BCL2L2: variants seen among roughly 807,000 people sequenced by gnomAD.
The protein encoded by BCL2L2 is BCL2 like 2.
In BCL2L2, 6 loss-of-function variants were observed where a neutral mutation model predicts 14.6. That is an observed-to-expected ratio of 0.41 (90% CI 0.22 to 0.81). BCL2L2 has a LOEUF of 0.81. Ranked by LOEUF, BCL2L2 falls within the 30% of genes least tolerant of loss-of-function variation. BCL2L2 has a pLI of 0.32. For synonymous variants in BCL2L2, 90 were observed against 108.5 expected (o/e 0.83, Z 1.06); for missense variants, 191 against 260.5 (o/e 0.73, Z 1.84).
At position 23,309,868 on chromosome 14, in the gene BCL2L2, C is replaced by G. The variant is rs940857236; in HGVS notation, c.*903C>G. On this transcript the variant is annotated 3_prime_UTR_variant, in exon 4 of 4. Transcript: ENST00000250405. Reference sequence around the variant, plus strand: ...AGGCACAATGGTGCCTAAAGTGTTTCCAATCTCTGGGACCTCTGTACCCAA... The same window carrying G: ...AGGCACAATGGTGCCTAAAGTGTTTGCAATCTCTGGGACCTCTGTACCCAA... 9.1e-6 allele frequency: 9 copies of G among 985,472 alleles called. No homozygotes were observed. Among genetic ancestry groups the G allele is most frequent in the Non-Finnish European group, 9.6e-6 (8 of 829,952 alleles). The allele number at this position is 985,472 out of a possible 1,614,324, so 61.0% of individuals were successfully genotyped here.
Position 23,308,837 on chromosome 14 carries a change from G to C in BCL2L2, c.454G>C (p.Gly152Arg). The C allele has an allele frequency of 7.6e-7, 1 of 1,321,706 alleles. No individual in the cohort carries two copies. Among genetic ancestry groups the C allele is most frequent in the East Asian group, 2.8e-5 (1 of 35,792 alleles). The allele number at this position is 1,321,706 out of a possible 1,614,324, so 81.9% of individuals were successfully genotyped here. A position where few individuals can be genotyped will look rare whatever the true frequency, so the allele number is the denominator to read the frequency against. Residue 152 changes from glycine to arginine, a missense_variant, in exon 4 of 4, where the codon GGG becomes CGG. By Grantham distance (125) the Gly-to-Arg change is moderately radical. Coordinates refer to ENST00000250405, the MANE Select transcript of BCL2L2 (RefSeq NM_004050.5). This position sits in a 1 kb window ranked among gnomAD's most constrained non-coding sequence, Gnocchi z 5.4. ...ACAGGCGGAGTTCACAGCTCTATAC[G>C]GGGACGGGGCCCTGGAGGAGGCGCG... Reference protein sequence around the residue: ...GGWAEFTALYGDGALEEARRL... With the variant: ...GGWAEFTALYRDGALEEARRL...
Position 23,310,212 on chromosome 14 carries a change from G to T in BCL2L2, c.*1247G>T, listed in dbSNP as rs918173101. 7 of 985,926 alleles carry T rather than the reference G, an allele frequency of 7.1e-6. No individual in the cohort carries two copies. The highest frequency in any genetic ancestry group is 8.4e-6 in the Non-Finnish European group (7 of 829,998). 61.1% of individuals were successfully genotyped at this position (985,926 alleles called of 1,614,324 possible). On this transcript the variant is annotated 3_prime_UTR_variant, in exon 4 of 4. Coordinates refer to ENST00000250405, the MANE Select transcript of BCL2L2 (RefSeq NM_004050.5). ...ATGGGTGTTACTTGTCTGTACCTCA[G>T]AGTCTGAGGATGTTAACTTTGGAAC...
In BCL2L2 at chr14:23,310,384, C is replaced by A. The variant is rs1018740132; in HGVS notation, c.*1419C>A. The A allele has an allele frequency of 2.3e-5, 23 of 989,466 alleles. No homozygotes were observed. Among genetic ancestry groups the A allele is most frequent in the Non-Finnish European group, 2.6e-5 (22 of 832,372 alleles). 61.3% of individuals were successfully genotyped at this position (989,466 alleles called of 1,614,324 possible). On this transcript the variant is annotated 3_prime_UTR_variant, in exon 4 of 4. Coordinates refer to ENST00000250405, the MANE Select transcript of BCL2L2 (RefSeq NM_004050.5). ...GCTCTCCAATGCTAACTTTCTGACA[C>A]AGTGCTCTAGAACCCTGCCTGTGGT...
rs1484073473 is a variant in BCL2L2, at chr14:23,310,576, G to C, written c.*1611G>C. 9.4e-7 allele frequency: 1 copy of C among 1,062,170 alleles called. No homozygotes were observed. The allele number at this position is 1,062,170 out of a possible 1,614,324, so 65.8% of individuals were successfully genotyped here. On this transcript the variant is annotated 3_prime_UTR_variant, in exon 4 of 4. Transcript: ENST00000250405. Reference sequence around the variant, plus strand: ...TTGAGAGAGGGCTGCACTTTTTCATGGTATTTCTAGGGGAGGTGGTAGGCT... The same window carrying C: ...TTGAGAGAGGGCTGCACTTTTTCATCGTATTTCTAGGGGAGGTGGTAGGCT...
Position 23,309,734 on chromosome 14 carries a change from T to TA in BCL2L2, c.*770dup, listed in dbSNP as rs1887493221. 2.0e-6 allele frequency: 2 copies of TA among 985,578 alleles called. No homozygotes were observed. The highest frequency in any genetic ancestry group is 5.2e-4 in the Middle Eastern group (1 of 1,914). The allele number at this position is 985,578 out of a possible 1,614,324, so 61.1% of individuals were successfully genotyped here. On this transcript the variant is annotated 3_prime_UTR_variant, in exon 4 of 4. Transcript: ENST00000250405. Reference sequence around the variant, plus strand: ...TTCATCATCCCCCTTCCTTGTGCATTATGCACTTGCTGCTGCCTCCTGGGC... The same window carrying TA: ...TTCATCATCCCCCTTCCTTGTGCATTAATGCACTTGCTGCTGCCTCCTGGGC...
Position 23,310,881 on chromosome 14 carries a change from A to C in BCL2L2, c.*1916A>C, listed in dbSNP as rs1887570452. On this transcript the variant is annotated 3_prime_UTR_variant, in exon 4 of 4. Coordinates refer to ENST00000250405, the MANE Select transcript of BCL2L2 (RefSeq NM_004050.5). Reference sequence around the variant, plus strand: ...ATATTGGGGTTCAGGGTAAGATTTTATTTGCATTAAGGGGTTTGCTGCTGA... The same window carrying C: ...ATATTGGGGTTCAGGGTAAGATTTTCTTTGCATTAAGGGGTTTGCTGCTGA... 7.8e-7 allele frequency: 1 copy of C among 1,281,976 alleles called. No homozygotes were observed. Among genetic ancestry groups the C allele is most frequent in the African/African-American group, 1.5e-5 (1 of 65,652 alleles). 79.4% of individuals were successfully genotyped at this position (1,281,976 alleles called of 1,614,324 possible). A position where few individuals can be genotyped will look rare whatever the true frequency, so the allele number is the denominator to read the frequency against.
chr14:23,310,793 G>A lies in BCL2L2; in HGVS notation c.*1828G>A. ...AGTCCTTGGGGAGATGAAGGGGGTG[G>A]GGAGCTGAGCAGGCTGGGCAATTTG... On this transcript the variant is annotated 3_prime_UTR_variant, in exon 4 of 4. Coordinates refer to ENST00000250405, the MANE Select transcript of BCL2L2 (RefSeq NM_004050.5). The A allele has an allele frequency of 8.3e-7, 1 of 1,197,688 alleles. No individual in the cohort carries two copies. The highest frequency in any genetic ancestry group is 1.5e-5 in the South Asian group (1 of 67,496). 74.2% of individuals were successfully genotyped at this position (1,197,688 alleles called of 1,614,324 possible). A position where few individuals can be genotyped will look rare whatever the true frequency, so the allele number is the denominator to read the frequency against.
rs979618659 is a variant in BCL2L2 at position 23,309,713 on chromosome 14, T to C, written c.*748T>C. On this transcript the variant is annotated 3_prime_UTR_variant, in exon 4 of 4. Transcript: ENST00000250405. ...TTCTGCAGCTGGCCTTGTTCCTTCA[T>C]CATCCCCCTTCCTTGTGCATTATGC... 2.9e-5 allele frequency: 29 copies of C among 985,504 alleles called. No homozygotes were observed. The highest frequency in any genetic ancestry group is 3.4e-5 in the Non-Finnish European group (28 of 830,056). 61.0% of individuals were successfully genotyped at this position (985,504 alleles called of 1,614,324 possible). A position where few individuals can be genotyped will look rare whatever the true frequency, so the allele number is the denominator to read the frequency against.
In BCL2L2 at chr14:23,309,070, G is replaced by A; in HGVS notation, c.*105G>A. ...GTGGAGTTGGTGGATGGGTGGGCAT[G>A]GAACAGGATGGGCAGAGAAAGGGTA... On this transcript the variant is annotated 3_prime_UTR_variant, in exon 4 of 4. Coordinates refer to ENST00000250405, the MANE Select transcript of BCL2L2 (RefSeq NM_004050.5). 7.8e-7 allele frequency: 1 copy of A among 1,274,580 alleles called. No homozygotes were observed. The highest frequency in any genetic ancestry group is 1.0e-6 in the Non-Finnish European group (1 of 1,003,194). The allele number at this position is 1,274,580 out of a possible 1,614,324, so 79.0% of individuals were successfully genotyped here.
rs1337277891 is a variant in BCL2L2 at position 23,309,069 on chromosome 14, T to C, written c.*104T>C. The C allele has an allele frequency of 3.9e-6, 5 of 1,274,134 alleles. No individual in the cohort carries two copies. The highest frequency in any genetic ancestry group is 3.1e-5 in the African/African-American group (2 of 65,368). 78.9% of individuals were successfully genotyped at this position (1,274,134 alleles called of 1,614,324 possible). A position where few individuals can be genotyped will look rare whatever the true frequency, so the allele number is the denominator to read the frequency against. On this transcript the variant is annotated 3_prime_UTR_variant, in exon 4 of 4. Transcript: ENST00000250405. ...AGTGGAGTTGGTGGATGGGTGGGCA[T>C]GGAACAGGATGGGCAGAGAAAGGGT...
At position 23,310,849 on chromosome 14, in the gene BCL2L2, G is replaced by A; in HGVS notation, c.*1884G>A. The A allele has an allele frequency of 8.0e-7, 1 of 1,249,092 alleles. No homozygotes were observed. The highest frequency in any genetic ancestry group is 1.0e-6 in the Non-Finnish European group (1 of 959,088). 77.4% of individuals were successfully genotyped at this position (1,249,092 alleles called of 1,614,324 possible). ...AAACAGAACAGCTCCCCTTGTAGCT[G>A]TCTTACATATTGGGGTTCAGGGTAA... On this transcript the variant is annotated 3_prime_UTR_variant, in exon 4 of 4. Coordinates refer to ENST00000250405, the MANE Select transcript of BCL2L2 (RefSeq NM_004050.5).
Position 23,308,255 on chromosome 14 carries a change from G to A in BCL2L2, c.432+56G>A. 1 of 1,507,328 alleles carries A rather than the reference G, an allele frequency of 6.6e-7. No homozygotes were observed. The highest frequency in any genetic ancestry group is 8.8e-7 in the Non-Finnish European group (1 of 1,132,454). 93.4% of individuals were successfully genotyped at this position (1,507,328 alleles called of 1,614,324 possible). A position where few individuals can be genotyped will look rare whatever the true frequency, so the allele number is the denominator to read the frequency against. On this transcript the variant is annotated intron_variant, in intron 3 of 3. Transcript: ENST00000250405. This position sits in a 1 kb window ranked among gnomAD's most constrained non-coding sequence, Gnocchi z 5.4. ...ATCCTTCTGCAAAGCTGGTCTCCAG[G>A]GGGAAGATGGGGGCTCTGATTGGAG...
chr14:23,309,928 C>T lies in BCL2L2; in HGVS notation c.*963C>T. The T allele has an allele frequency of 2.0e-6, 2 of 985,432 alleles. No individual in the cohort carries two copies. The highest frequency in any genetic ancestry group is 4.7e-5 in the South Asian group (1 of 21,292). 61.0% of individuals were successfully genotyped at this position (985,432 alleles called of 1,614,324 possible). ...CTAAATTGGGGCCCTAACTAATTTT[C>T]CTTTTGAGGTTGTGGGCATAAGTGC... On this transcript the variant is annotated 3_prime_UTR_variant, in exon 4 of 4. Transcript: ENST00000250405.
In BCL2L2 at chr14:23,311,520, A is replaced by G. The variant is rs1398700573; in HGVS notation, c.*2555A>G. The G allele has an allele frequency of 1.0e-6, 1 of 992,070 alleles. No homozygotes were observed. Among genetic ancestry groups the G allele is most frequent in the Non-Finnish European group, 1.2e-6 (1 of 834,772 alleles). 61.5% of individuals were successfully genotyped at this position (992,070 alleles called of 1,614,324 possible). On this transcript the variant is annotated 3_prime_UTR_variant, in exon 4 of 4. Coordinates refer to ENST00000250405, the MANE Select transcript of BCL2L2 (RefSeq NM_004050.5). ...ACTCGGTCCTGCGATTATTAATCCC[A>G]CTCCCCACTTATTCTAGGGCACACA...
At position 23,310,468 on chromosome 14, in the gene BCL2L2, G is replaced by A; in HGVS notation, c.*1503G>A. The stretch of plus-strand genomic sequence containing the variant: ...TGACTCTTCTTGGAGATTTTCACTT[G>A]GTCCTAGAATGTGGCAACGTAGTTG... On this transcript the variant is annotated 3_prime_UTR_variant, in exon 4 of 4. Coordinates refer to ENST00000250405, the MANE Select transcript of BCL2L2 (RefSeq NM_004050.5). 2 of 1,009,042 alleles carry A rather than the reference G, an allele frequency of 2.0e-6. No individual in the cohort carries two copies. The highest frequency in any genetic ancestry group is 2.4e-6 in the Non-Finnish European group (2 of 844,684). The allele number at this position is 1,009,042 out of a possible 1,614,324, so 62.5% of individuals were successfully genotyped here.
In BCL2L2 at chr14:23,311,625, A is replaced by G; in HGVS notation, c.*2660A>G. The G allele has an allele frequency of 1.1e-6, 1 of 944,078 alleles. No individual in the cohort carries two copies. Among genetic ancestry groups the G allele is most frequent in the South Asian group, 4.9e-5 (1 of 20,460 alleles). 58.5% of individuals were successfully genotyped at this position (944,078 alleles called of 1,614,324 possible). On this transcript the variant is annotated 3_prime_UTR_variant, in exon 4 of 4. Transcript: ENST00000250405. Reference sequence around the variant, plus strand: ...TAGAAGAAAAGAAAGCTCTATAAATATAAATCTATATTCCTGTATTTTTAT... The same window carrying G: ...TAGAAGAAAAGAAAGCTCTATAAATGTAAATCTATATTCCTGTATTTTTAT...
In BCL2L2 at chr14:23,310,705, A is replaced by G; in HGVS notation, c.*1740A>G. ...GGGGTCTCTGACTTGCTCAGGACAA[A>G]CTAGGCCAGTGGTTTTCAAACTGCT... is the stretch of plus-strand genomic sequence containing the variant. On this transcript the variant is annotated 3_prime_UTR_variant, in exon 4 of 4. Coordinates refer to ENST00000250405, the MANE Select transcript of BCL2L2 (RefSeq NM_004050.5). 1.7e-6 allele frequency: 2 copies of G among 1,181,534 alleles called. No homozygotes were observed. Among genetic ancestry groups the G allele is most frequent in the South Asian group, 3.2e-5 (2 of 62,742 alleles). 73.2% of individuals were successfully genotyped at this position (1,181,534 alleles called of 1,614,324 possible). A position where few individuals can be genotyped will look rare whatever the true frequency, so the allele number is the denominator to read the frequency against.
Position 23,308,766 on chromosome 14 carries a change from C to A in BCL2L2, c.433-50C>A. 7.8e-7 allele frequency: 1 copy of A among 1,285,384 alleles called. No individual in the cohort carries two copies. The highest frequency in any genetic ancestry group is 1.0e-6 in the Non-Finnish European group (1 of 994,514). 79.6% of individuals were successfully genotyped at this position (1,285,384 alleles called of 1,614,324 possible). On this transcript the variant is annotated intron_variant, in intron 3 of 3. Transcript: ENST00000250405. This position sits in a 1 kb window ranked among gnomAD's most constrained non-coding sequence, Gnocchi z 5.4. ...CCTCTTCTCTCCACTCTTTCCTCTC[C>A]TGATATCCCTTTCTCCTTCTTTCTC...
Position 23,310,725 on chromosome 14 carries a change from A to T in BCL2L2, c.*1760A>T, listed in dbSNP as rs1887559418. 4 of 1,183,144 alleles carry T rather than the reference A, an allele frequency of 3.4e-6. No individual in the cohort carries two copies. The South Asian group carries it at 6.3e-5, about 19-fold the overall frequency. 73.3% of individuals were successfully genotyped at this position (1,183,144 alleles called of 1,614,324 possible). ...GACAAACTAGGCCAGTGGTTTTCAA[A>T]CTGCTTGGCAGAGCCCTGAAGTTTC... On this transcript the variant is annotated 3_prime_UTR_variant, in exon 4 of 4. Coordinates refer to ENST00000250405, the MANE Select transcript of BCL2L2 (RefSeq NM_004050.5).
Sources: allele counts gnomAD v4.1 joint callset, GRCh38; gene constraint gnomAD v4.1.1; non-coding constraint Gnocchi (gnomAD v3.1); transcripts MANE v1.5; gene names NCBI Gene and HGNC (gene_info 2026-07-23, HGNC 2026-07-21).